BPHL: variants seen among roughly 807,000 people sequenced by gnomAD.
BPHL encodes serine hydrolase BPHL.
In BPHL, 27 loss-of-function variants were observed where a neutral mutation model predicts 31.2. The observed-to-expected ratio is 0.87, with a 90% CI of 0.64 to 1.19. The LOEUF (loss-of-function observed/expected upper bound fraction) is 1.19, where lower values mean the gene tolerates loss of function less well. BPHL is among the 50% of genes most tolerant of loss of function. The probability of loss-of-function intolerance (pLI) is 0.00; values close to 1 mark genes in which losing one functional copy is unlikely to be tolerated. For missense variants in BPHL, 356 were observed against 375.7 expected (o/e 0.95, Z 0.43); for synonymous variants, 150 against 146.8 (o/e 1.02, Z -0.16).
intron 1 of BPHL, chr6:3,119,640 C>A: frequency 7.8e-7 from 1 of 1,275,542 alleles, no homozygotes; most frequent in Non-Finnish European, 1.1e-6. Flanking sequence ...ACTTTATTCT[C>A]TACATACATC....
intron 2 of BPHL, among the ~76,000 whole-genome samples, chr6:3,125,968 G>A (rs531759223): frequency 2.6e-5 from 4 of 152,320 alleles, no homozygotes; most frequent in African/African-American, 9.6e-5. Context: ...CCCCTGGACT[G>A]GGCTCTGTGA....
intron 6 of BPHL, among the ~76,000 whole-genome samples, chr6:3,145,579 TC>T (rs1269719956): frequency 3.6e-5 from 2 of 55,648 alleles, no homozygotes; most frequent in South Asian, 5.2e-4. Context: ...CTGGTGTGGG[TC>T]GGAGTGCTGG....
chr6:3,128,925 T>C lies in BPHL; in HGVS notation c.379-120T>C. 2.0e-6 allele frequency: 3 copies of C among 1,469,738 alleles called. No individual in the cohort carries two copies. In the South Asian group the frequency reaches 3.5e-5, roughly 17 times the overall value. 91.0% of individuals were successfully genotyped at this position (1,469,738 alleles called of 1,614,324 possible). A position where few individuals can be genotyped will look rare whatever the true frequency, so the allele number is the denominator to read the frequency against. ...CAAATGGTGGACTCTAGGGTTTTTC[T>C]TTTCTGACTAATTGATACTCCAGCC... On this transcript the variant is annotated intron_variant, in intron 3 of 6. Transcript: ENST00000380379.
intron 1 of BPHL, among the ~76,000 whole-genome samples, chr6:3,121,912 A>G (rs1387882550): frequency 6.6e-6 from 1 of 152,222 alleles, no homozygotes; most frequent in African/African-American, 2.4e-5. Context: ...AAACCAAAAG[A>G]TAAAACAGGA....
chr6:3,140,286 A>G lies in BPHL; in HGVS notation c.665-100A>G. The G allele has an allele frequency of 6.8e-7, 1 of 1,471,808 alleles. No individual in the cohort carries two copies. The highest frequency in any genetic ancestry group is 9.3e-7 in the Non-Finnish European group (1 of 1,079,200). The allele number at this position is 1,471,808 out of a possible 1,614,324, so 91.2% of individuals were successfully genotyped here. On this transcript the variant is annotated intron_variant, in intron 5 of 6. Coordinates refer to ENST00000380379, the MANE Select transcript of BPHL (RefSeq NM_004332.4). The surrounding 1 kb of genome is among the most constrained non-coding windows in gnomAD (Gnocchi z 5.2). The stretch of plus-strand genomic sequence containing the variant: ...AAACACAGTTTTTACGGATAGGGAA[A>G]CTGAGGGCCAAGGAGGGGCAGGGCT...
chr6:3,143,319 C>G (rs1253381710), intron 6 of BPHL, among the ~76,000 whole-genome samples: 1 of 152,216 alleles, frequency 6.6e-6, no homozygotes, highest in Non-Finnish European at 1.5e-5. Flanking sequence ...AAACACCAAA[C>G]TGCCTTTCTT....
rs896319177 is a variant in BPHL, at chr6:3,138,122, G to A, written c.664+629G>A. ...CAATCTCTGTCTCCTGGGTTCAAGC[G>A]ATTGCTCTGCCTCAGCCTCCCAAGT... On this transcript the variant is annotated intron_variant, in intron 5 of 6. Transcript: ENST00000380379. 4.8e-5 allele frequency: 33 copies of A among 694,292 alleles called. No individual in the cohort carries two copies. The Admixed American group carries it at 5.4e-4, about 11-fold the overall frequency. 43.0% of individuals were successfully genotyped at this position (694,292 alleles called of 1,614,324 possible).
Position 3,152,749 on chromosome 6 carries a change from G to T in BPHL, c.*174G>T, listed in dbSNP as rs1762560793. The stretch of plus-strand genomic sequence containing the variant: ...TGAAAACAGCCTCTAGCTTCAGGCT[G>T]GGCACGGTGGCTCACAGCTATAATC... On this transcript the variant is annotated 3_prime_UTR_variant, in exon 7 of 7. Transcript: ENST00000380379. 1 of 556,020 alleles carries T rather than the reference G, an allele frequency of 1.8e-6. No homozygotes were observed. The highest frequency in any genetic ancestry group is 3.1e-6 in the Non-Finnish European group (1 of 326,398). The allele number at this position is 556,020 out of a possible 1,614,324, so 34.4% of individuals were successfully genotyped here. A position where few individuals can be genotyped will look rare whatever the true frequency, so the allele number is the denominator to read the frequency against.
rs187047333 is a variant in BPHL at position 3,153,231 on chromosome 6, T to C, written c.*656T>C. 4 of 154,016 alleles carry C rather than the reference T, an allele frequency of 2.6e-5. No homozygotes were observed. The highest frequency in any genetic ancestry group is 7.2e-5 in the African/African-American group (3 of 41,450). The allele number at this position is 154,016 out of a possible 1,614,324, so 9.5% of individuals were successfully genotyped here. On this transcript the variant is annotated 3_prime_UTR_variant, in exon 7 of 7. Transcript: ENST00000380379. The stretch of plus-strand genomic sequence containing the variant: ...TGTTAATGTTGGAGATTTTAAGACA[T>C]CTTGAATTTGTACTGTACCTTTTAT...
chr6:3,127,168 T>A, intron 2 of BPHL, 74 bp from the exon 3 acceptor site: 1 of 1,047,754 alleles, frequency 9.5e-7, no homozygotes, highest in Non-Finnish European at 1.3e-6. Flanking sequence ...AAGATTGTTA[T>A]TGCTTCTGTT....
chr6:3,151,471 G>T (rs965744753), intron 6 of BPHL, among the ~76,000 whole-genome samples: 1 of 152,050 alleles, frequency 6.6e-6, no homozygotes, highest in African/African-American at 2.4e-5. Context: ...CCCCCAATGT[G>T]GTGGCTGAGT....
chr6:3,142,053 T>A (rs1244787145), intron 6 of BPHL, among the ~76,000 whole-genome samples: 1 of 152,156 alleles, frequency 6.6e-6, no homozygotes, highest in Non-Finnish European at 1.5e-5. Flanking sequence ...ATTATAATAC[T>A]AAGTTATGGT....
At chr6:3,147,257 C>T (rs13199036) in intron 6 of BPHL, among the ~76,000 whole-genome samples, 12,098 of 151,870 alleles carry the variant, frequency 0.08, 659 homozygotes, top group African/African-American at 0.15. Flanking sequence ...TGAGACCCCA[C>T]CTGAAAAATA....
rs925283596 is a variant in BPHL at position 3,140,627 on chromosome 6, G to A, written c.788+118G>A. On this transcript the variant is annotated intron_variant, in intron 6 of 6. Transcript: ENST00000380379. The surrounding 1 kb of genome is among the most constrained non-coding windows in gnomAD (Gnocchi z 5.2). ...TTTTAGAGTGCACAGCCCCCCTTTT[G>A]CCAATGCCAGTCAGTAGCACCGCTT... 1 of 1,454,334 alleles carries A rather than the reference G, an allele frequency of 6.9e-7. No individual in the cohort carries two copies. The highest frequency in any genetic ancestry group is 9.3e-7 in the Non-Finnish European group (1 of 1,072,554). 90.1% of individuals were successfully genotyped at this position (1,454,334 alleles called of 1,614,324 possible). A position where few individuals can be genotyped will look rare whatever the true frequency, so the allele number is the denominator to read the frequency against.
chr6:3,145,240 G>C (rs1471023319), intron 6 of BPHL, among the ~76,000 whole-genome samples: 3 of 39,308 alleles, frequency 7.6e-5, no homozygotes, highest in African/African-American at 2.5e-4. Context: ...TGGTTCGGGT[G>C]GAGTGCTGGT....
At chr6:3,150,989 G>C (rs910461481) in intron 6 of BPHL, among the ~76,000 whole-genome samples, 2 of 152,180 alleles carry the variant, frequency 1.3e-5, no homozygotes, top group African/African-American at 4.8e-5. Context: ...TAGGAAGAGT[G>C]CAGACAGTGC....
intron 6 of BPHL, among the ~76,000 whole-genome samples, chr6:3,150,326 G>A (rs115236762): frequency 0.01 from 1,532 of 152,294 alleles, 28 homozygotes; most frequent in African/African-American, 0.035. Flanking sequence ...AGGGCTCCAG[G>A]CGGGGCAGGA....
Position 3,137,419 on chromosome 6 carries a change from A to G in BPHL, c.590A>G (p.Tyr197Cys), listed in dbSNP as rs534851971. 5.6e-6 allele frequency: 9 copies of G among 1,612,940 alleles called. No homozygotes were observed. The highest frequency in any genetic ancestry group is 1.1e-5 in the South Asian group (1 of 90,980). Reference sequence around the variant, plus strand: ...ACAAGAAAGCCTCTAGAAGCCCTCTATGGGTATGACTACTTTGCCAGAACC... The same window carrying G: ...ACAAGAAAGCCTCTAGAAGCCCTCTGTGGGTATGACTACTTTGCCAGAACC... The part of the protein sequence containing the change: ...ERTRKPLEAL[Y>C]GYDYFARTCE... The change falls in exon 5 of 7, where the codon TAT becomes TGT. Residue 197 changes from tyrosine (Y) to cysteine (C), a missense_variant. By Grantham distance (194) the Tyr-to-Cys change is radical. Coordinates refer to ENST00000380379, the MANE Select transcript of BPHL (RefSeq NM_004332.4).
Position 3,140,413 on chromosome 6 carries a change from G to GGGTCCAGTGCCCC in BPHL, c.694_706dup (p.Ala236GlyfsTer11). ...AACATCTGCCGGCACCTGCTGCCCC[G>GGGTCCAGTGCCCC]GGTCCAGTGCCCCGCCTTGATTGTG... On this transcript the variant is annotated frameshift_variant, in exon 6 of 7. Coordinates refer to ENST00000380379, the MANE Select transcript of BPHL (RefSeq NM_004332.4). LOFTEE classifies it high-confidence loss of function. This position sits in a 1 kb window ranked among gnomAD's most constrained non-coding sequence, Gnocchi z 5.2. The GGGTCCAGTGCCCC allele has an allele frequency of 6.2e-7, 1 of 1,614,124 alleles. No homozygotes were observed. The highest frequency in any genetic ancestry group is 8.5e-7 in the Non-Finnish European group (1 of 1,180,022).
Sources: allele counts gnomAD v4.1 joint callset (sites outside exome capture counted in the v4.1 genomes callset), GRCh38; gene constraint gnomAD v4.1.1; non-coding constraint Gnocchi (gnomAD v3.1); transcripts MANE v1.5; gene names NCBI Gene and HGNC (gene_info 2026-07-23, HGNC 2026-07-21).